STMN4: variants seen among roughly 807,000 people sequenced by gnomAD.
STMN4 encodes stathmin-4.
STMN4 carries 12 observed loss-of-function variants against 29.1 expected under a neutral mutation model. The ratio of observed to expected loss-of-function variants is 0.41; its 90% CI spans 0.26 to 0.67. The LOEUF is 0.67. Among genes scored for constraint, STMN4 ranks in the 30% least tolerant of loss-of-function variants. The probability of loss-of-function intolerance (pLI) is 0.30; values close to 1 mark genes in which losing one functional copy is unlikely to be tolerated. For synonymous variants in STMN4, 114 were observed against 105.3 expected (o/e 1.08, Z -0.51); for missense variants, 181 against 262.8 (o/e 0.69, Z 2.15).
chr8:27,250,451 TC>T (rs1190068465), intron 1 of STMN4, among the ~76,000 whole-genome samples: 1 of 152,176 alleles, frequency 6.6e-6, no homozygotes, highest in African/African-American at 2.4e-5. Flanking sequence ...GTAAAACAGG[TC>T]CCTGGATGGG....
At chr8:27,256,146 T>C (rs1801933117) in intron 1 of STMN4, among the ~76,000 whole-genome samples, 1 of 152,200 alleles carries the variant, frequency 6.6e-6, no homozygotes. Context: ...TTATCTGAGG[T>C]ACCTAGAGGA....
chr8:27,247,253 T>TTAA lies in STMN4; in HGVS notation c.-78-3453_-78-3452insTTA, dbSNP rs1801651352. On this transcript the variant is annotated intron_variant, in intron 1 of 6. Transcript: ENST00000350889. ...CTGGGTGAGAGAGTGAGACTTTGTCTCAAAAAAAAAAAAAAAAAAAGATGA... is the reference window on the plus strand; with the variant it reads ...CTGGGTGAGAGAGTGAGACTTTGTCTTAACAAAAAAAAAAAAAAAAAAAGATGA... Among the ~76,000 whole-genome samples the TTAA allele has an allele frequency of 3.9e-4, 14 of 35,786 alleles. No homozygotes were observed. In the East Asian group the frequency reaches 9.2e-3, roughly 23 times the overall value. 23.5% of individuals were successfully genotyped at this position (35,786 alleles called of 152,430 possible).
At chr8:27,243,463 C>A (rs1290338153) in intron 2 of STMN4, among the ~76,000 whole-genome samples, 1 of 152,048 alleles carries the variant, frequency 6.6e-6, no homozygotes, top group African/African-American at 2.4e-5. Context: ...TACAGATGAG[C>A]AAAAGGAAGA....
chr8:27,249,524 C>T (rs539395204), intron 1 of STMN4, among the ~76,000 whole-genome samples: 58 of 152,262 alleles, frequency 3.8e-4, no homozygotes, highest in African/African-American at 5.5e-4. Flanking sequence ...TCTGAGGTCA[C>T]GCAGAGAACT....
rs550878777 is a variant in STMN4, at chr8:27,244,302, G to A, written c.-78-501C>T. ...CATAGGATGTTAACAGGCCTCTTCA[G>A]ATGCCTCTCACCTTCCCTTTCCCAA... On this transcript the variant is annotated intron_variant, in intron 1 of 6. Coordinates refer to ENST00000350889, the MANE Select transcript of STMN4 (RefSeq NM_030795.4). 6.6e-5 allele frequency among the ~76,000 whole-genome samples: 10 copies of A among 152,330 alleles called. No individual in the cohort carries two copies. The South Asian group carries it at 2.1e-3, about 32-fold the overall frequency.
chr8:27,239,216 C>A, intron 6 of STMN4: 1 of 1,535,112 alleles, frequency 6.5e-7, no homozygotes, highest in Middle Eastern at 1.7e-4. Flanking sequence ...GCGGGGACCA[C>A]GCTGCTCACC....
chr8:27,243,121 G>T (rs1801523440), intron 2 of STMN4, among the ~76,000 whole-genome samples: 1 of 152,332 alleles, frequency 6.6e-6, no homozygotes, highest in Non-Finnish European at 1.5e-5. Flanking sequence ...GGCCAGAGCT[G>T]TCCTGGCTCC....
At chr8:27,239,690 C>T (rs753191870) in intron 6 of STMN4, 70 of 1,438,910 alleles carry the variant, frequency 4.9e-5, no homozygotes, top group Non-Finnish European at 6.3e-5. Context: ...CAGGCTTCTT[C>T]TAGAAAATCA....
chr8:27,236,930 G>A, intron 6 of STMN4, 25 bp from the exon 7 acceptor site: 2 of 1,601,520 alleles, frequency 1.2e-6, no homozygotes, highest in Non-Finnish European at 8.5e-7. Flanking sequence ...AGGGAAAAGG[G>A]CAGGTCACAC....
Position 27,239,872 on chromosome 8 carries a change from C to A in STMN4, c.591+99G>T, listed in dbSNP as rs756488897. On this transcript the variant is annotated intron_variant, in intron 6 of 6. Transcript: ENST00000350889. Reference sequence around the variant, plus strand: ...AAAAGATCCTGATTTTTGCCTGAGGCTGCTTCCTCCCTGAGATGATCAGCA... The same window carrying A: ...AAAAGATCCTGATTTTTGCCTGAGGATGCTTCCTCCCTGAGATGATCAGCA... 4 of 1,592,344 alleles carry A rather than the reference C, an allele frequency of 2.5e-6. No homozygotes were observed. In the Admixed American group the frequency reaches 7.2e-5, roughly 29 times the overall value.
intron 1 of STMN4, among the ~76,000 whole-genome samples, chr8:27,247,612 TTATCATGCCACAGCAA>T (rs1801662732): frequency 1.3e-5 from 2 of 152,210 alleles, no homozygotes; most frequent in South Asian, 4.1e-4. Context: ...CATGGTCATG[TTATCATGCCACAGCAA>T]TATACAGCCT....
At chr8:27,237,938 C>T (rs1801356780) in intron 6 of STMN4, among the ~76,000 whole-genome samples, 1 of 152,202 alleles carries the variant, frequency 6.6e-6, no homozygotes, top group South Asian at 2.1e-4. Flanking sequence ...AAGCACTCAA[C>T]CAATGTTGTC....
At chr8:27,252,630 T>G (rs758407997) in intron 1 of STMN4, among the ~76,000 whole-genome samples, 16 of 152,192 alleles carry the variant, frequency 1.1e-4, no homozygotes, top group Non-Finnish European at 2.2e-4. Context: ...GCACACCAAA[T>G]CTTATACACA....
At chr8:27,241,025 G>T in intron 5 of STMN4, 29 bp downstream of exon 5, 1 of 1,595,160 alleles carries the variant, frequency 6.3e-7, no homozygotes, top group Non-Finnish European at 8.6e-7. Flanking sequence ...ATGCTGAGAG[G>T]GAGGAAAGAA....
intron 6 of STMN4, chr8:27,239,413 C>T: frequency 2.1e-6 from 2 of 954,706 alleles, no homozygotes; most frequent in Non-Finnish European, 3.1e-6. Flanking sequence ...CAGAACCAAC[C>T]CCGGCCTCAT....
intron 1 of STMN4, among the ~76,000 whole-genome samples, chr8:27,244,365 C>T (rs1281749893): frequency 5.9e-5 from 9 of 152,180 alleles, no homozygotes; most frequent in Admixed American, 5.9e-4. Context: ...CTATTTAAGA[C>T]AATCCGGGAC....
intron 2 of STMN4, among the ~76,000 whole-genome samples, chr8:27,242,772 G>C (rs1255154528): frequency 6.6e-6 from 1 of 152,166 alleles, no homozygotes; most frequent in African/African-American, 2.4e-5. Flanking sequence ...AGACCAGAAA[G>C]CAAAATGCCC....
chr8:27,253,885 C>T (rs192823299), intron 1 of STMN4, among the ~76,000 whole-genome samples: 2 of 151,990 alleles, frequency 1.3e-5, no homozygotes, highest in African/African-American at 2.4e-5. Context: ...CGGGTTCAAG[C>T]GATTCTCCTG....
intron 6 of STMN4, 21 bp from the exon 7 acceptor site, chr8:27,236,926 A>T: frequency 6.2e-7 from 1 of 1,604,268 alleles, no homozygotes; most frequent in Non-Finnish European, 8.5e-7. Flanking sequence ...AGGGAGGGAA[A>T]AGGGCAGGTC....
Sources: gnomAD v4.1 joint callset for allele counts (sites outside exome capture counted in the v4.1 genomes callset) on GRCh38, gnomAD v4.1.1 for gene constraint, MANE v1.5 for transcripts, NCBI Gene and HGNC (gene_info 2026-07-23, HGNC 2026-07-21) for gene names.